Variants in LTBP1 observed in about 807,000 individuals in gnomAD.
LTBP1 encodes latent-transforming growth factor beta-binding protein 1.
LTBP1 carries 129 observed loss-of-function variants against 207.6 expected under a neutral mutation model. That is an observed-to-expected ratio of 0.62 (90% CI 0.54 to 0.72). The LOEUF (loss-of-function observed/expected upper bound fraction) is 0.72, where lower values mean the gene tolerates loss of function less well. Ranked by LOEUF, LTBP1 falls within the 30% of genes least tolerant of loss-of-function variation. The pLI is 0.00. For synonymous variants in LTBP1, 963 were observed against 833.7 expected (o/e 1.16, Z -2.67); for missense variants, 2,281 against 2,217.2 (o/e 1.03, Z -0.58).
At chr2:33,261,486 T>C (rs77396375) in intron 13 of LTBP1, among the ~76,000 whole-genome samples, 8,566 of 152,272 alleles carry the variant, frequency 0.056, 800 homozygotes, top group African/African-American at 0.2. Context: ...GGAAGCCAGT[T>C]AGATTATTAC....
At chr2:33,238,888 A>G (rs866768926) in intron 9 of LTBP1, among the ~76,000 whole-genome samples, 3 of 152,356 alleles carry the variant, frequency 2.0e-5, no homozygotes, top group African/African-American at 4.8e-5. Flanking sequence ...TTATCGCATC[A>G]TTCCCATGTA....
intron 31 of LTBP1, among the ~76,000 whole-genome samples, chr2:33,373,820 AT>A (rs2095102172): frequency 6.6e-6 from 1 of 152,220 alleles, no homozygotes; most frequent in South Asian, 2.1e-4. Context: ...AATGAAATGC[AT>A]AATTAGTATA....
intron 2 of LTBP1, among the ~76,000 whole-genome samples, chr2:32,978,310 A>G (rs1682150260): frequency 6.6e-6 from 1 of 152,106 alleles, no homozygotes. Flanking sequence ...TTCCCCATTC[A>G]TCATGATACT....
intron 3 of LTBP1, among the ~76,000 whole-genome samples, chr2:33,099,270 A>G (rs1553406241): frequency 6.6e-6 from 1 of 152,240 alleles, no homozygotes; most frequent in Non-Finnish European, 1.5e-5. Context: ...CAATTGTAAT[A>G]GAAAAAAAAC....
chr2:33,264,269 A>G (rs1384712964), intron 15 of LTBP1, among the ~76,000 whole-genome samples: 5 of 151,884 alleles, frequency 3.3e-5, no homozygotes, highest in Non-Finnish European at 7.4e-5. Context: ...AAAAAAAAAA[A>G]AAAAAGAATA....
intron 2 of LTBP1, among the ~76,000 whole-genome samples, chr2:33,019,848 G>A (rs2075068436): frequency 6.6e-6 from 1 of 151,728 alleles, no homozygotes; most frequent in Non-Finnish European, 1.5e-5. Context: ...GACTACAGGT[G>A]CGTGCCACCA....
intron 2 of LTBP1, among the ~76,000 whole-genome samples, chr2:32,988,941 T>A (rs219149): frequency 0.23 from 34,402 of 152,220 alleles, 4,806 homozygotes; most frequent in Non-Finnish European, 0.32. Context: ...CCTCTTTTTT[T>A]TTCTATTTCT....
At chr2:32,958,633 T>A (rs1343767922) in intron 2 of LTBP1, among the ~76,000 whole-genome samples, 1 of 152,244 alleles carries the variant, frequency 6.6e-6, no homozygotes, top group Non-Finnish European at 1.5e-5. Context: ...TGAGTCGAAG[T>A]AGCATTTCTG....
intron 18 of LTBP1, among the ~76,000 whole-genome samples, chr2:33,278,033 C>CG (rs1558934659): frequency 6.6e-6 from 1 of 150,958 alleles, no homozygotes; most frequent in African/African-American, 2.4e-5. Context: ...AGGGTGTCAC[C>CG]GTGTTAGCCA....
intron 24 of LTBP1, among the ~76,000 whole-genome samples, chr2:33,331,339 T>A (rs2094492230): frequency 6.6e-6 from 1 of 152,020 alleles, no homozygotes; most frequent in Admixed American, 6.5e-5. Context: ...AATCTTCTAA[T>A]ATTTGTATTT....
chr2:33,176,887 C>G (rs1262928335), intron 5 of LTBP1, among the ~76,000 whole-genome samples: 6 of 152,186 alleles, frequency 3.9e-5, no homozygotes. Context: ...GCCCTGCCAT[C>G]ATAATTACGA....
At chr2:32,973,708 T>C (rs1162828418) in intron 2 of LTBP1, among the ~76,000 whole-genome samples, 6 of 152,142 alleles carry the variant, frequency 3.9e-5, no homozygotes, top group Non-Finnish European at 7.4e-5. Context: ...ATTTTTTTTG[T>C]ACCCCTGAAC....
chr2:33,240,732 G>T (rs1207998818), intron 9 of LTBP1, among the ~76,000 whole-genome samples: 2 of 142,284 alleles, frequency 1.4e-5, no homozygotes, highest in Non-Finnish European at 3.0e-5. Context: ...CTCACTCCAA[G>T]CTCCACCTCT....
At chr2:33,044,356 C>A (rs201313254) in intron 3 of LTBP1, among the ~76,000 whole-genome samples, 4 of 151,556 alleles carry the variant, frequency 2.6e-5, no homozygotes, top group African/African-American at 7.3e-5. Context: ...CGAGTGAGAA[C>A]ATGTGGTGTT....
chr2:33,357,273 T>C (rs2094874778), intron 26 of LTBP1, among the ~76,000 whole-genome samples: 1 of 152,194 alleles, frequency 6.6e-6, no homozygotes, highest in African/African-American at 2.4e-5. Flanking sequence ...AGCTCAAACC[T>C]ACTCCTTCCT....
intron 2 of LTBP1, among the ~76,000 whole-genome samples, chr2:32,979,891 G>A (rs1243124615): frequency 2.6e-5 from 4 of 152,022 alleles, no homozygotes; most frequent in East Asian, 1.9e-4. Context: ...GCTTACAATC[G>A]TTATATTCTC....
chr2:33,015,925 C>T (rs966958236), intron 2 of LTBP1, among the ~76,000 whole-genome samples: 17 of 152,146 alleles, frequency 1.1e-4, no homozygotes, highest in East Asian at 7.7e-4. Flanking sequence ...ATTGCAAGAA[C>T]GGCATGGATG....
At chr2:33,289,535 A>T (rs888948480) in intron 19 of LTBP1, among the ~76,000 whole-genome samples, 4 of 151,992 alleles carry the variant, frequency 2.6e-5, no homozygotes, top group African/African-American at 9.7e-5. Flanking sequence ...AATTTAAAAA[A>T]AAAATTTGTG....
intron 5 of LTBP1, among the ~76,000 whole-genome samples, chr2:33,168,846 T>A (rs1191590011): frequency 6.6e-6 from 1 of 152,200 alleles, no homozygotes; most frequent in East Asian, 1.9e-4. Flanking sequence ...TCATAGTGAT[T>A]TTGACACCTT....
Sources: allele counts gnomAD v4.1 joint callset (sites outside exome capture counted in the v4.1 genomes callset), GRCh38; gene constraint gnomAD v4.1.1; transcripts MANE v1.5; gene names NCBI Gene and HGNC (gene_info 2026-07-23, HGNC 2026-07-21).